Variants in SNTG2 observed in about 807,000 individuals in gnomAD.
The protein encoded by SNTG2 is gamma-2-syntrophin.
A neutral mutation model predicts 70.9 loss-of-function variants in SNTG2; 74 were observed. That is an observed-to-expected ratio of 1.04 (90% CI 0.86 to 1.27). SNTG2 has a LOEUF of 1.27. Among genes scored for constraint, SNTG2 ranks in the 50% most tolerant of loss-of-function variants. SNTG2 has a pLI of 0.00. For synonymous variants in SNTG2, 278 were observed against 273.8 expected (o/e 1.02, Z -0.15); for missense variants, 717 against 690.7 (o/e 1.04, Z -0.43).
chr2:1,015,368 C>G (rs1401423753), intron 1 of SNTG2, among the ~76,000 whole-genome samples: 1 of 152,106 alleles, frequency 6.6e-6, no homozygotes, highest in Non-Finnish European at 1.5e-5. Context: ...AATATCCACA[C>G]ATATATATTA....
chr2:1,143,667 C>T (rs150292238), intron 6 of SNTG2, among the ~76,000 whole-genome samples: 1,753 of 142,244 alleles, frequency 0.012, 82 homozygotes, highest in African/African-American at 0.043. Flanking sequence ...GTCAGGAGTT[C>T]GAGGCCAGCC....
chr2:1,082,224 G>A (rs1664371281), intron 1 of SNTG2, among the ~76,000 whole-genome samples: 2 of 152,204 alleles, frequency 1.3e-5, no homozygotes, highest in African/African-American at 4.8e-5. Context: ...GGCATTTGAT[G>A]AGCTGGTTTT....
chr2:1,177,317 G>A (rs1356891063), intron 8 of SNTG2, among the ~76,000 whole-genome samples: 1 of 151,978 alleles, frequency 6.6e-6, no homozygotes, highest in East Asian at 1.9e-4. Context: ...ACTGGGGCCC[G>A]GCAAGGGGTG....
chr2:1,329,251 A>G (rs930370088), intron 16 of SNTG2, among the ~76,000 whole-genome samples: 1 of 152,156 alleles, frequency 6.6e-6, no homozygotes, highest in African/African-American at 2.4e-5. Flanking sequence ...TTAAGAGAAA[A>G]GGCTAAAAAA....
chr2:1,137,881 T>C (rs1668499932), intron 6 of SNTG2, 72 bp downstream of exon 6: 1 of 1,353,948 alleles, frequency 7.4e-7, no homozygotes, highest in African/African-American at 1.4e-5. Context: ...CTATAGTTGA[T>C]ATTTCACTGA....
intron 14 of SNTG2, among the ~76,000 whole-genome samples, chr2:1,270,068 C>T (rs1678940925): frequency 1.3e-5 from 2 of 152,148 alleles, no homozygotes; most frequent in South Asian, 4.1e-4. Context: ...TGCAGGGTGG[C>T]AAGGTCATGC....
At chr2:1,349,897 G>A (rs541039930) in intron 16 of SNTG2, among the ~76,000 whole-genome samples, 50 of 152,300 alleles carry the variant, frequency 3.3e-4, no homozygotes, top group Admixed American at 2.4e-3. Context: ...TTAAGCTTAA[G>A]TCATCTAAGA....
chr2:1,110,469 A>G (rs1280270574), intron 4 of SNTG2, among the ~76,000 whole-genome samples: 3 of 152,080 alleles, frequency 2.0e-5, no homozygotes, highest in Non-Finnish European at 4.4e-5. Context: ...TTCTCCCCTA[A>G]TACCTTCTCC....
At chr2:1,232,197 G>A (rs1012891412) in intron 9 of SNTG2, among the ~76,000 whole-genome samples, 8 of 152,162 alleles carry the variant, frequency 5.3e-5, no homozygotes, top group African/African-American at 1.9e-4. Flanking sequence ...GGGTGAGGAG[G>A]TGCCCTGTGA....
chr2:1,249,045 A>G (rs1431530483), intron 12 of SNTG2, among the ~76,000 whole-genome samples: 1 of 152,118 alleles, frequency 6.6e-6, no homozygotes, highest in Non-Finnish European at 1.5e-5. Context: ...CGGCTGGTAA[A>G]CTGATTGCAG....
At position 1,097,291 on chromosome 2, in the gene SNTG2, G is replaced by A. The variant is rs925244523; in HGVS notation, c.211-905G>A. On this transcript the variant is annotated intron_variant, in intron 2 of 16. Coordinates refer to ENST00000308624, the MANE Select transcript of SNTG2 (RefSeq NM_018968.4). The surrounding 1 kb of genome is among the most constrained non-coding windows in gnomAD (Gnocchi z 4.1). Reference sequence around the variant, plus strand: ...GGAGCTCCCAGGTCCCCCCTTCGGCGTGGGCTCTGCCACCCTTTTACTTCT... The same window carrying A: ...GGAGCTCCCAGGTCCCCCCTTCGGCATGGGCTCTGCCACCCTTTTACTTCT... Among the ~76,000 whole-genome samples, 4 of 152,202 alleles carry A rather than the reference G, an allele frequency of 2.6e-5. No homozygotes were observed. The highest frequency in any genetic ancestry group is 2.1e-4 in the South Asian group (1 of 4,830).
intron 14 of SNTG2, among the ~76,000 whole-genome samples, chr2:1,272,685 GGACACCCCAGGGAGCGGGTGCAGAAA>G (rs1679095811): frequency 8.9e-6 from 1 of 112,556 alleles, no homozygotes; most frequent in Non-Finnish European, 1.8e-5. Context: ...GGTGTAGAAA[GGACACCCCAGGGAGCGGGTGCAGAAA>G]GGACACCCCA....
chr2:1,208,081 G>A (rs959438656), intron 8 of SNTG2, among the ~76,000 whole-genome samples: 2 of 152,172 alleles, frequency 1.3e-5, no homozygotes, highest in Non-Finnish European at 2.9e-5. Context: ...GCAGACAGAT[G>A]CTCGGATTCC....
chr2:1,081,288 G>A (rs1192902554), intron 1 of SNTG2, among the ~76,000 whole-genome samples: 5 of 152,308 alleles, frequency 3.3e-5, no homozygotes, highest in Admixed American at 3.3e-4. Context: ...AATGCGGGAG[G>A]CAATGGTGAG....
intron 1 of SNTG2, among the ~76,000 whole-genome samples, chr2:1,043,814 A>G (rs1337305058): frequency 1.3e-5 from 2 of 152,166 alleles, no homozygotes; most frequent in Non-Finnish European, 2.9e-5. Context: ...TAGTTACTAT[A>G]ACCTTGTAGT....
chr2:1,071,769 A>G (rs1014776305), intron 1 of SNTG2, among the ~76,000 whole-genome samples: 3 of 152,208 alleles, frequency 2.0e-5, no homozygotes, highest in Non-Finnish European at 1.5e-5. Context: ...ACAAAGGACA[A>G]TTCTTGACAG....
chr2:1,110,621 G>T (rs957953929), intron 4 of SNTG2, among the ~76,000 whole-genome samples: 6 of 152,190 alleles, frequency 3.9e-5, no homozygotes, highest in African/African-American at 1.4e-4. Flanking sequence ...CAGCTGAGAT[G>T]CCTCTTCCCA....
intron 1 of SNTG2, among the ~76,000 whole-genome samples, chr2:1,060,429 G>A (rs563354005): frequency 7.2e-5 from 11 of 152,276 alleles, no homozygotes; most frequent in African/African-American, 2.4e-4. Flanking sequence ...CTACCGTGGA[G>A]CACTGAGCAG....
intron 14 of SNTG2, among the ~76,000 whole-genome samples, chr2:1,282,665 G>T (rs1050644609): frequency 6.8e-5 from 2 of 29,354 alleles, no homozygotes; most frequent in African/African-American, 1.2e-4. Context: ...AACTCCCCCC[G>T]CCCCCACGTC....
Sources: gnomAD v4.1 joint callset for allele counts (sites outside exome capture counted in the v4.1 genomes callset) on GRCh38, gnomAD v4.1.1 for gene constraint, Gnocchi (gnomAD v3.1) non-coding constraint, MANE v1.5 for transcripts, NCBI Gene and HGNC (gene_info 2026-07-23, HGNC 2026-07-21) for gene names.